Variants in CEP164 observed in about 807,000 individuals in gnomAD.
CEP164 encodes centrosomal protein of 164 kDa.
Under a neutral mutation model 182.7 loss-of-function variants are expected in CEP164, and 162 were observed. That is an observed-to-expected ratio of 0.89 (90% CI 0.78 to 1.01). The LOEUF is 1.01. Among genes scored for constraint, CEP164 ranks in the 50% least tolerant of loss-of-function variants. The probability of loss-of-function intolerance (pLI) is 0.00; values close to 1 mark genes in which losing one functional copy is unlikely to be tolerated. For synonymous variants in CEP164, 661 were observed against 690.0 expected (o/e 0.96, Z 0.66); for missense variants, 1,735 against 1,790.4 (o/e 0.97, Z 0.56).
intron 5 of CEP164, 72 bp from the exon 6 acceptor site, chr11:117,361,763 T>G (rs1226822836): frequency 1.3e-6 from 2 of 1,520,200 alleles, no homozygotes; most frequent in African/African-American, 2.8e-5. Context: ...TGTTTTATTT[T>G]TATATCTGTC....
intron 4 of CEP164, 145 bp downstream of exon 4, chr11:117,344,422 G>A (rs1388810066): frequency 3.4e-6 from 2 of 593,888 alleles, no homozygotes; most frequent in Non-Finnish European, 6.0e-6. Flanking sequence ...CTGCTATGCT[G>A]CCTGCTATTT....
Position 117,397,248 on chromosome 11 carries a change from CA to C in CEP164, c.3437del (p.Gln1146ArgfsTer30), listed in dbSNP as rs1396789926. 6.2e-7 allele frequency: 1 copy of C among 1,614,040 alleles called. No individual in the cohort carries two copies. Among genetic ancestry groups the C allele is most frequent in the African/African-American group, 1.3e-5 (1 of 74,946 alleles). On this transcript the variant is annotated frameshift_variant, in exon 27 of 33. Transcript: ENST00000278935. LOFTEE classifies it high-confidence loss of function. ...TTGGCGCCATGAGCTGGCCAGTGCG[CA>C]GGAGGTGGCCAAAGACCCACCAGGC... ...QHWRHELASAQEVAKDPPGIK... is the reference protein window; with the variant it reads ...QHWRHELASAXEVAKDPPGIK...
chr11:117,370,892 C>CA (rs2042133970), intron 8 of CEP164, among the ~76,000 whole-genome samples, 188 bp from the exon 9 acceptor site: 1 of 151,844 alleles, frequency 6.6e-6, no homozygotes, highest in Non-Finnish European at 1.5e-5. Flanking sequence ...GCCTGGGCGA[C>CA]AGAGTAAGAC....
At chr11:117,392,697 C>T (rs1592367613) in intron 19 of CEP164, 70 bp downstream of exon 19, 1 of 1,560,806 alleles carries the variant, frequency 6.4e-7, no homozygotes, top group East Asian at 2.3e-5. Context: ...GCTGAGCCGG[C>T]CTAGCCTCAG....
chr11:117,365,389 T>G (rs1335164948), intron 8 of CEP164, among the ~76,000 whole-genome samples: 1 of 152,196 alleles, frequency 6.6e-6, no homozygotes, highest in Admixed American at 6.5e-5. Flanking sequence ...ATTTTTTTCT[T>G]CACTTGGCTT....
At chr11:117,372,725 T>G (rs1259469917) in intron 9 of CEP164, among the ~76,000 whole-genome samples, 1 of 152,188 alleles carries the variant, frequency 6.6e-6, no homozygotes, top group Non-Finnish European at 1.5e-5. Context: ...CCTTCCCTTG[T>G]ACTTCTTGAC....
At chr11:117,325,944 C>G (rs998770969), upstream of CEP164, among the ~76,000 whole-genome samples, 4 of 129,042 alleles carry the variant, frequency 3.1e-5, no homozygotes, top group Non-Finnish European at 6.3e-5. Context: ...GAGTGTCGCT[C>G]TTGTTGCCCA....
At chr11:117,407,245 C>T (rs933543348) in intron 27 of CEP164, among the ~76,000 whole-genome samples, 4 of 152,052 alleles carry the variant, frequency 2.6e-5, no homozygotes, top group Admixed American at 2.6e-4. Flanking sequence ...TATATACATG[C>T]TGCCCACGAC....
chr11:117,327,159 A>G (rs74761693), upstream of CEP164, among the ~76,000 whole-genome samples: 1,578 of 152,344 alleles, frequency 0.01, 14 homozygotes, highest in Non-Finnish European at 0.017. Flanking sequence ...GATGGATAGT[A>G]GAAAATAGGT....
intron 8 of CEP164, among the ~76,000 whole-genome samples, chr11:117,365,052 A>G (rs1339637311): frequency 6.6e-6 from 1 of 152,148 alleles, no homozygotes; most frequent in Non-Finnish European, 1.5e-5. Context: ...TGACAACTTT[A>G]TTTTCTTCTC....
intron 13 of CEP164, 26 bp downstream of exon 13, chr11:117,381,894 TGAG>T: frequency 6.9e-7 from 1 of 1,453,612 alleles, no homozygotes; most frequent in Non-Finnish European, 9.1e-7. Flanking sequence ...AGCATCCTCA[TGAG>T]GATGAGGGCT....
upstream of CEP164, among the ~76,000 whole-genome samples, chr11:117,324,908 A>C (rs2035373892): frequency 1.3e-5 from 2 of 152,072 alleles, no homozygotes; most frequent in Non-Finnish European, 2.9e-5. Flanking sequence ...CAAACAAACA[A>C]ACAAACAAAA....
chr11:117,394,413 GC>G lies in CEP164; in HGVS notation c.2683del (p.His895MetfsTer8). Reference protein sequence around the residue: ...LTGELERLQRAHERELETVRQ... With the variant: ...LTGELERLQRXHERELETVRQ... ...CGGAGAGCTGGAGCGCCTGCAGAGGGCCCATGAACGAGAACTGGAGACTGTG... is the reference window on the plus strand; with the variant it reads ...CGGAGAGCTGGAGCGCCTGCAGAGGGCCATGAACGAGAACTGGAGACTGTG... On this transcript the variant is annotated frameshift_variant, in exon 21 of 33. Coordinates refer to ENST00000278935, the MANE Select transcript of CEP164 (RefSeq NM_014956.5). LOFTEE classifies it high-confidence loss of function. This position sits in a 1 kb window ranked among gnomAD's most constrained non-coding sequence, Gnocchi z 4.0. 1.2e-6 allele frequency: 2 copies of G among 1,613,594 alleles called. No homozygotes were observed. The highest frequency in any genetic ancestry group is 1.7e-6 in the Non-Finnish European group (2 of 1,179,826).
intron 11 of CEP164, among the ~76,000 whole-genome samples, chr11:117,376,633 A>G (rs2042772077): frequency 2.6e-5 from 4 of 152,220 alleles, no homozygotes; most frequent in Admixed American, 2.6e-4. Context: ...TGCTAGAGGC[A>G]GCCTTGGAGC....
chr11:117,389,038 G>T (rs2044287810), intron 15 of CEP164, among the ~76,000 whole-genome samples: 1 of 152,038 alleles, frequency 6.6e-6, no homozygotes, highest in Admixed American at 6.6e-5. Context: ...CCAAAGTGCT[G>T]GGATTACAGG....
Position 117,373,370 on chromosome 11 carries a change from A to G in CEP164, c.1153-381A>G, listed in dbSNP as rs998518257. Among the ~76,000 whole-genome samples the G allele has an allele frequency of 4.6e-5, 7 of 152,078 alleles. No homozygotes were observed. The East Asian group carries it at 1.4e-3, about 29-fold the overall frequency. ...GAGCGAGACTCCATCTCGGAAAAAA[A>G]AAAAAAGAGCTTTTATCTATTTCCT... On this transcript the variant is annotated intron_variant, in intron 9 of 32. Transcript: ENST00000278935.
At chr11:117,376,552 T>G (rs1409814874) in intron 11 of CEP164, among the ~76,000 whole-genome samples, 1 of 152,162 alleles carries the variant, frequency 6.6e-6, no homozygotes, top group Non-Finnish European at 1.5e-5. Flanking sequence ...TTGGGCAAAA[T>G]GGAAATTTGT....
chr11:117,329,589 T>A (rs768066078), intron 1 of CEP164, among the ~76,000 whole-genome samples: 6 of 152,224 alleles, frequency 3.9e-5, no homozygotes, highest in Non-Finnish European at 7.3e-5. Flanking sequence ...TCGCCCAGGC[T>A]GGAGTGCAGT....
In CEP164 at chr11:117,359,298, T is replaced by TA. The variant is rs568462913; in HGVS notation, c.394-2535dup. 4,456 of 585,708 alleles carry TA rather than the reference T, an allele frequency of 7.6e-3. 12 individuals are homozygous for TA. Among genetic ancestry groups the TA allele is most frequent in the Non-Finnish European group, 9.0e-3 (4,175 of 464,944 alleles). The allele number at this position is 585,708 out of a possible 1,614,324, so 36.3% of individuals were successfully genotyped here. A position where few individuals can be genotyped will look rare whatever the true frequency, so the allele number is the denominator to read the frequency against. ...CGTTTGCTCGTATGGGGACTGTGGA[T>TA]AATGGCAGAGCCAGTCTCAGGTGGT... On this transcript the variant is annotated intron_variant, in intron 5 of 32. Transcript: ENST00000278935.
Sources: gnomAD v4.1 joint callset for allele counts (sites outside exome capture counted in the v4.1 genomes callset) on GRCh38, gnomAD v4.1.1 for gene constraint, Gnocchi (gnomAD v3.1) non-coding constraint, MANE v1.5 for transcripts, NCBI Gene and HGNC (gene_info 2026-07-23, HGNC 2026-07-21) for gene names.